The following CHST11 variants were observed in gnomAD, a reference collection of about 807,000 sequenced individuals.
CHST11 encodes C4S-1.
In CHST11, 9 loss-of-function variants were observed where a neutral mutation model predicts 30.4. That is an observed-to-expected ratio of 0.30 (90% CI 0.18 to 0.52). The LOEUF is 0.52. CHST11 is among the 20% of genes least tolerant of loss of function. The pLI, the probability that CHST11 is intolerant of heterozygous loss-of-function variation, is 0.97. For missense variants in CHST11, 348 were observed against 460.6 expected (o/e 0.76, Z 2.24); for synonymous variants, 152 against 187.8 (o/e 0.81, Z 1.56).
At chr12:104,586,514 T>G (rs1009131355) in intron 1 of CHST11, among the ~76,000 whole-genome samples, 2 of 152,220 alleles carry the variant, frequency 1.3e-5, no homozygotes, top group African/African-American at 4.8e-5. Flanking sequence ...CCGCCATGCT[T>G]GAGTAGCTTA....
At chr12:104,550,500 G>A (rs567694002) in intron 1 of CHST11, among the ~76,000 whole-genome samples, 1 of 152,312 alleles carries the variant, frequency 6.6e-6, no homozygotes, top group African/African-American at 2.4e-5. Flanking sequence ...CAGTTGTGCA[G>A]TTGTAGAGTG....
intron 2 of CHST11, among the ~76,000 whole-genome samples, chr12:104,635,187 C>T (rs1315425263): frequency 9.2e-5 from 14 of 152,114 alleles, no homozygotes; most frequent in African/African-American, 2.9e-4. Context: ...AGGTAACCCA[C>T]GAGGGGCCTC....
chr12:104,735,945 G>T (rs1348003001), intron 2 of CHST11, among the ~76,000 whole-genome samples: 1 of 152,178 alleles, frequency 6.6e-6, no homozygotes, highest in Non-Finnish European at 1.5e-5. Context: ...GAGGCTCAAG[G>T]GGATGTGGTT....
chr12:104,515,176 GAAA>G (rs1470446354), intron 1 of CHST11, among the ~76,000 whole-genome samples: 3 of 152,116 alleles, frequency 2.0e-5, no homozygotes, highest in Non-Finnish European at 4.4e-5. Flanking sequence ...AAAAGTCTAT[GAAA>G]TTCAGATTTC....
At chr12:104,598,662 C>T (rs780501373) in intron 1 of CHST11, among the ~76,000 whole-genome samples, 4 of 152,214 alleles carry the variant, frequency 2.6e-5, no homozygotes, top group Admixed American at 6.5e-5. Flanking sequence ...GTAGGGCACA[C>T]GTTGAGAAAC....
In CHST11 at chr12:104,676,522, A is replaced by T. The variant is rs2039744643; in HGVS notation, c.204+74531A>T. On this transcript the variant is annotated intron_variant, in intron 2 of 2. Transcript: ENST00000303694. This position sits in a 1 kb window ranked among gnomAD's most constrained non-coding sequence, Gnocchi z 4.4. The stretch of plus-strand genomic sequence containing the variant: ...CTCCGCCTCCCGGGTTCAAGGGATT[A>T]TTCTGCCCCAGCCTCCCAAGTAGCC... Among the ~76,000 whole-genome samples, 1 of 152,106 alleles carries T rather than the reference A, an allele frequency of 6.6e-6. No homozygotes were observed. The highest frequency in any genetic ancestry group is 2.1e-4 in the South Asian group (1 of 4,826).
At chr12:104,671,342 T>C (rs2039695684) in intron 2 of CHST11, among the ~76,000 whole-genome samples, 1 of 152,210 alleles carries the variant, frequency 6.6e-6, no homozygotes. Context: ...GTTATTTGGT[T>C]TTGCTGTGCC....
chr12:104,515,241 G>A (rs569646961), intron 1 of CHST11, among the ~76,000 whole-genome samples: 3 of 152,284 alleles, frequency 2.0e-5, no homozygotes, highest in East Asian at 3.9e-4. Context: ...CCTTGTTGGC[G>A]TACTTTCTGT....
chr12:104,718,290 AACCCAGGGAGTTGG>A (rs1255743475), intron 2 of CHST11, among the ~76,000 whole-genome samples: 2 of 152,304 alleles, frequency 1.3e-5, no homozygotes, highest in Admixed American at 1.3e-4. Context: ...GTGGGATTTG[AACCCAGGGAGTTGG>A]ACTCCAGAAT....
intron 1 of CHST11, among the ~76,000 whole-genome samples, chr12:104,502,446 A>G (rs1263988161): frequency 1.3e-5 from 2 of 152,090 alleles, no homozygotes; most frequent in Non-Finnish European, 2.9e-5. Flanking sequence ...TTTTTCGAGT[A>G]CCCATTGGTT....
At chr12:104,549,222 G>A (rs1365825440) in intron 1 of CHST11, among the ~76,000 whole-genome samples, 1 of 152,150 alleles carries the variant, frequency 6.6e-6, no homozygotes, top group East Asian at 1.9e-4. Context: ...GAAATGAGGT[G>A]GACAGAGTGA....
At chr12:104,467,256 T>G (rs899510148) in intron 1 of CHST11, among the ~76,000 whole-genome samples, 9 of 152,224 alleles carry the variant, frequency 5.9e-5, no homozygotes, top group African/African-American at 1.9e-4. Flanking sequence ...ATGGAGTTGT[T>G]TGTGGCCATT....
At chr12:104,521,621 A>G (rs1046536407) in intron 1 of CHST11, among the ~76,000 whole-genome samples, 1 of 152,134 alleles carries the variant, frequency 6.6e-6, no homozygotes, top group East Asian at 1.9e-4. Context: ...TTCTGCCCCA[A>G]CACATCCTGG....
Position 104,509,552 on chromosome 12 carries a change from G to A in CHST11, c.118+52023G>A, listed in dbSNP as rs922120311. ...TAAGAGAAGGATTTGGCATATAATA[G>A]ATGCTCAATTTATACCTGTTGAACA... On this transcript the variant is annotated intron_variant, in intron 1 of 2. Transcript: ENST00000303694. Among the ~76,000 whole-genome samples, 3 of 152,154 alleles carry A rather than the reference G, an allele frequency of 2.0e-5. No individual in the cohort carries two copies. The East Asian group carries it at 5.8e-4, about 29-fold the overall frequency.
chr12:104,527,000 A>G (rs2038132873), intron 1 of CHST11, among the ~76,000 whole-genome samples: 2 of 152,214 alleles, frequency 1.3e-5, no homozygotes, highest in South Asian at 4.2e-4. Context: ...CATTCTCCTC[A>G]GCACCACACG....
At chr12:104,608,008 A>G (rs1202709327) in intron 2 of CHST11, among the ~76,000 whole-genome samples, 2 of 152,144 alleles carry the variant, frequency 1.3e-5, no homozygotes, top group Non-Finnish European at 2.9e-5. Context: ...TGGTCTTCAT[A>G]TTAGGACCAC....
At chr12:104,702,351 A>G (rs1346397343) in intron 2 of CHST11, among the ~76,000 whole-genome samples, 11 of 152,216 alleles carry the variant, frequency 7.2e-5, no homozygotes, top group Non-Finnish European at 1.6e-4. Flanking sequence ...GTGAGACTGC[A>G]CAGCAGCTCT....
chr12:104,537,543 T>C (rs2038248338), intron 1 of CHST11, among the ~76,000 whole-genome samples: 1 of 152,230 alleles, frequency 6.6e-6, no homozygotes, highest in East Asian at 1.9e-4. Flanking sequence ...ACACTGGAGA[T>C]GGATTTATGC....
intron 1 of CHST11, among the ~76,000 whole-genome samples, chr12:104,460,300 A>C (rs2037395094): frequency 6.6e-6 from 1 of 152,138 alleles, no homozygotes; most frequent in African/African-American, 2.4e-5. Flanking sequence ...GAAATAGAAA[A>C]ATAGTATTGC....
Sources: allele counts gnomAD v4.1 joint callset (sites outside exome capture counted in the v4.1 genomes callset), GRCh38; gene constraint gnomAD v4.1.1; non-coding constraint Gnocchi (gnomAD v3.1); transcripts MANE v1.5; gene names NCBI Gene and HGNC (gene_info 2026-07-23, HGNC 2026-07-21).